The following TUSC3 variants were observed in gnomAD, a reference collection of about 807,000 sequenced individuals.
The protein encoded by TUSC3 is tumor suppressor candidate 3, also known as dolichyl-diphosphooligosaccharide--protein glycosyltransferase subunit TUSC3.
A neutral mutation model predicts 44.8 loss-of-function variants in TUSC3; 45 were observed. The observed-to-expected ratio is 1.00, with a 90% CI of 0.79 to 1.29. The LOEUF (loss-of-function observed/expected upper bound fraction) is 1.29, where lower values mean the gene tolerates loss of function less well. TUSC3 is among the 50% of genes most tolerant of loss of function. The probability of loss-of-function intolerance (pLI) is 0.00; values close to 1 mark genes in which losing one functional copy is unlikely to be tolerated. For synonymous variants in TUSC3, 212 were observed against 152.9 expected (o/e 1.39, Z -2.85); for missense variants, 519 against 437.9 (o/e 1.19, Z -1.65).
chr8:15,835,833 T>C, the TUSC3 span, among the ~76,000 whole-genome samples: 1 of 142,520 alleles, frequency 7.0e-6, no homozygotes, highest in Non-Finnish European at 1.6e-5. Context: ...ATTTTTTATT[T>C]ACTTCATCTA....
intron 1 of TUSC3, among the ~76,000 whole-genome samples, chr8:15,477,932 T>A (rs185944584): frequency 5.3e-5 from 8 of 152,054 alleles, no homozygotes; most frequent in African/African-American, 1.2e-4. Flanking sequence ...TCTATAGAAA[T>A]TTTCTTTTTT....
chr8:15,472,063 A>G (rs1355345439), intron 1 of TUSC3, among the ~76,000 whole-genome samples: 1 of 152,248 alleles, frequency 6.6e-6, no homozygotes, highest in East Asian at 1.9e-4. Context: ...AATTTTTCAA[A>G]AATATATGTG....
chr8:15,521,810 C>T (rs1801303755), intron 2 of TUSC3, among the ~76,000 whole-genome samples: 1 of 152,162 alleles, frequency 6.6e-6, no homozygotes, highest in African/African-American at 2.4e-5. Context: ...TGGTCCTTTT[C>T]ACTATTGGTC....
intron 9 of TUSC3, among the ~76,000 whole-genome samples, chr8:15,757,389 G>A (rs2129222945): frequency 6.6e-6 from 1 of 152,270 alleles, no homozygotes; most frequent in African/African-American, 2.4e-5. Flanking sequence ...AAAAAAGTAT[G>A]ATAGTGAACA....
the TUSC3 span, among the ~76,000 whole-genome samples, chr8:15,849,542 C>T: frequency 6.6e-6 from 1 of 152,184 alleles, no homozygotes; most frequent in African/African-American, 2.4e-5. Context: ...GAAAGCCCAA[C>T]TTAAAGAAAG....
At chr8:15,723,672 T>C (rs961938165) in intron 6 of TUSC3, among the ~76,000 whole-genome samples, 1 of 152,084 alleles carries the variant, frequency 6.6e-6, no homozygotes, top group South Asian at 2.1e-4. Context: ...ATGTAACTAG[T>C]AGGAAACAGA....
chr8:15,747,303 A>C (rs1022708274), intron 8 of TUSC3, among the ~76,000 whole-genome samples: 1 of 151,988 alleles, frequency 6.6e-6, no homozygotes, highest in African/African-American at 2.4e-5. Context: ...TCTCTATTTT[A>C]CAAATAACTT....
chr8:15,518,912 A>T (rs990386821), intron 2 of TUSC3, among the ~76,000 whole-genome samples: 5 of 152,188 alleles, frequency 3.3e-5, no homozygotes, highest in African/African-American at 1.2e-4. Context: ...TTTCTTCTCT[A>T]TTTGAAAATG....
rs188659782 is a variant in TUSC3 at position 15,733,134 on chromosome 8, C to G, written c.862+2405C>G. 2.9e-3 allele frequency among the ~76,000 whole-genome samples: 438 copies of G among 152,172 alleles called. 2 individuals are homozygous for G. The highest frequency in any genetic ancestry group is 0.01 in the African/African-American group (422 of 41,520). On this transcript the variant is annotated intron_variant, in intron 7 of 10. Transcript: ENST00000503731. The stretch of plus-strand genomic sequence containing the variant: ...AATGCTTTCTGCACATCAGAGGTGC[C>G]TTCGGTGAGAAAAGGAAGTCTTTGT...
At chr8:15,503,815 C>T (rs2129127283) in intron 2 of TUSC3, among the ~76,000 whole-genome samples, 1 of 152,044 alleles carries the variant, frequency 6.6e-6, no homozygotes, top group African/African-American at 2.4e-5. Context: ...CTAGCCTGGG[C>T]AGCATGGCAA....
rs1015141606 is a variant in TUSC3 at position 15,561,913 on chromosome 8, C to G, written c.138+21345C>G. Among the ~76,000 whole-genome samples, 9 of 152,312 alleles carry G rather than the reference C, an allele frequency of 5.9e-5. No homozygotes were observed. In the East Asian group the frequency reaches 1.7e-3, roughly 29 times the overall value. ...TCCTGCACCCACTGTCTGGCACTCC[C>G]TAGTGAGATGAACCCGGTACCTCAG... On this transcript the variant is annotated intron_variant, in intron 1 of 10. Transcript: ENST00000503731.
At chr8:15,723,319 A>C (rs1810377986) in intron 6 of TUSC3, among the ~76,000 whole-genome samples, 1 of 152,198 alleles carries the variant, frequency 6.6e-6, no homozygotes, top group Non-Finnish European at 1.5e-5. Flanking sequence ...GACACCTCAC[A>C]GAGACAAAAT....
At chr8:15,435,704 AT>A (rs1428599777) in intron 1 of TUSC3, among the ~76,000 whole-genome samples, 1 of 152,190 alleles carries the variant, frequency 6.6e-6, no homozygotes. Flanking sequence ...CTCACCTTAC[AT>A]TTGAGCATAT....
intron 1 of TUSC3, among the ~76,000 whole-genome samples, chr8:15,479,159 G>C (rs1419106019): frequency 6.6e-6 from 1 of 152,064 alleles, no homozygotes; most frequent in Non-Finnish European, 1.5e-5. Context: ...ATTTGTTTAA[G>C]TTCTTTGTAG....
chr8:15,615,719 C>T (rs962835849), intron 1 of TUSC3, among the ~76,000 whole-genome samples: 2 of 151,940 alleles, frequency 1.3e-5, no homozygotes, highest in Admixed American at 6.6e-5. Context: ...GTAGAAATAT[C>T]CCTCTCTACC....
chr8:15,519,822 A>G (rs914425697), intron 2 of TUSC3, among the ~76,000 whole-genome samples: 1 of 152,338 alleles, frequency 6.6e-6, no homozygotes, highest in East Asian at 1.9e-4. Context: ...TGCCTGTTCT[A>G]TGTTAAAATA....
chr8:15,419,734 G>T (rs114069472), intron 1 of TUSC3, among the ~76,000 whole-genome samples: 3,160 of 152,202 alleles, frequency 0.021, 107 homozygotes, highest in African/African-American at 0.073. Context: ...GCTTGTCTTT[G>T]GCATAAACTA....
At chr8:15,850,523 A>G in the TUSC3 span, among the ~76,000 whole-genome samples, 4 of 152,142 alleles carry the variant, frequency 2.6e-5, no homozygotes, top group Non-Finnish European at 5.9e-5. Flanking sequence ...CGCTTCTCAT[A>G]TATTCAGTCC....
intron 6 of TUSC3, among the ~76,000 whole-genome samples, chr8:15,685,662 A>C (rs908938578): frequency 6.6e-6 from 1 of 152,080 alleles, no homozygotes; most frequent in South Asian, 2.1e-4. Flanking sequence ...AACAGTGTAC[A>C]CTTGGGGGAA....
Sources: allele counts gnomAD v4.1 joint callset (sites outside exome capture counted in the v4.1 genomes callset), GRCh38; gene constraint gnomAD v4.1.1; transcripts MANE v1.5; gene names NCBI Gene and HGNC (gene_info 2026-07-23, HGNC 2026-07-21).